The following PDZD8 variants were observed in gnomAD, a reference collection of about 807,000 sequenced individuals.
PDZD8 encodes the protein PDZ domain containing 8, also known as PDZ domain-containing protein 8.
PDZD8 carries 14 observed loss-of-function variants against 85.8 expected under a neutral mutation model. The ratio of observed to expected loss-of-function variants is 0.16; its 90% CI spans 0.11 to 0.26. The LOEUF (loss-of-function observed/expected upper bound fraction) is 0.26, where lower values mean the gene tolerates loss of function less well. PDZD8 is among the 10% of genes least tolerant of loss of function. The probability of loss-of-function intolerance (pLI) is 1.00; values close to 1 mark genes in which losing one functional copy is unlikely to be tolerated. For missense variants in PDZD8, 1,197 were observed against 1,424.3 expected, an observed-to-expected ratio of 0.84 and a Z score of 2.57; for synonymous variants, 592 against 568.6, an observed-to-expected ratio of 1.04 and a Z score of -0.59.
rs1051339586 is a variant in PDZD8, at chr10:117,283,771, T to C, written c.2962A>G (p.Asn988Asp). 6.2e-7 allele frequency: 1 copy of C among 1,614,092 alleles called. No individual in the cohort carries two copies. Among genetic ancestry groups the C allele is most frequent in the Non-Finnish European group, 8.5e-7 (1 of 1,180,044 alleles). ...CTGTTTCCCCGTTTAGAAGGACTGT[T>C]TGGACCACAGACCTCCGTGTCACTG... ...EGSDTEVCGP[N>D]SPSKRGNSTG... The change falls in exon 5 of 5, where the codon AAC becomes GAC. Residue 988 changes from asparagine to aspartate, a missense_variant. Coordinates refer to ENST00000334464, the MANE Select transcript of PDZD8 (RefSeq NM_173791.5).
intron 3 of PDZD8, among the ~76,000 whole-genome samples, chr10:117,298,576 T>C (rs982041339): frequency 6.6e-6 from 1 of 152,152 alleles, no homozygotes; most frequent in Admixed American, 6.6e-5. Flanking sequence ...TATACCCCTA[T>C]ATTTCTTATT....
rs189605222 is a variant in PDZD8, at chr10:117,278,366, T to C, written c.*4902A>G. On this transcript the variant is annotated 3_prime_UTR_variant, in exon 5 of 5. Transcript: ENST00000334464. ...TGAATCATATATTAAGAAGTAAAAA[T>C]AATAGTGATCAGGCAGAAAAGAAAA... is the stretch of plus-strand genomic sequence containing the variant. The C allele has an allele frequency of 5.3e-5, 8 of 152,288 alleles. No homozygotes were observed. The highest frequency in any genetic ancestry group is 4.6e-4 in the Admixed American group (7 of 15,308). 9.4% of individuals were successfully genotyped at this position (152,288 alleles called of 1,614,324 possible).
intron 2 of PDZD8, 116 bp downstream of exon 2, chr10:117,340,864 A>G (rs528903464): frequency 1.7e-6 from 2 of 1,167,390 alleles, no homozygotes; most frequent in South Asian, 3.5e-5. Context: ...TTACAATTAA[A>G]GAATTTACAG....
intron 1 of PDZD8, among the ~76,000 whole-genome samples, chr10:117,346,310 G>GAAT (rs548330380): frequency 8.9e-4 from 135 of 151,038 alleles, no homozygotes; most frequent in Admixed American, 2.8e-3. Context: ...AAAGAGACAG[G>GAAT]AATTGTAAAA....
rs555240882 is a variant in PDZD8 at position 117,278,661 on chromosome 10, G to A, written c.*4607C>T. ...CTAAGATTGTGTTTGTGTTAACTTC[G>A]ACATCAAGGAGCAAAGAACTTTAGA... On this transcript the variant is annotated 3_prime_UTR_variant, in exon 5 of 5. Transcript: ENST00000334464. 5 of 152,238 alleles carry A rather than the reference G, an allele frequency of 3.3e-5. No homozygotes were observed. Among genetic ancestry groups the A allele is most frequent in the South Asian group, 2.1e-4 (1 of 4,828 alleles). 9.4% of individuals were successfully genotyped at this position (152,238 alleles called of 1,614,324 possible). A position where few individuals can be genotyped will look rare whatever the true frequency, so the allele number is the denominator to read the frequency against.
At chr10:117,303,026 C>T (rs946628064) in intron 3 of PDZD8, among the ~76,000 whole-genome samples, 6 of 152,020 alleles carry the variant, frequency 3.9e-5, no homozygotes, top group Non-Finnish European at 8.8e-5. Flanking sequence ...TAGAGTGGGG[C>T]GGTGCTGAAA....
chr10:117,333,017 G>T (rs1278631139), intron 2 of PDZD8, among the ~76,000 whole-genome samples: 2 of 149,534 alleles, frequency 1.3e-5, no homozygotes, highest in Non-Finnish European at 3.0e-5. Flanking sequence ...TATTTGAGAA[G>T]CTGAGGCAGG....
intron 2 of PDZD8, among the ~76,000 whole-genome samples, chr10:117,338,112 CAG>C (rs1398870488): frequency 1.3e-5 from 2 of 151,566 alleles, no homozygotes; most frequent in Non-Finnish European, 2.9e-5. Flanking sequence ...TCTACCTGAA[CAG>C]AGTTTTCTGT....
At chr10:117,368,627 T>A (rs549672390) in intron 1 of PDZD8, among the ~76,000 whole-genome samples, 2 of 152,294 alleles carry the variant, frequency 1.3e-5, no homozygotes, top group Non-Finnish European at 2.9e-5. Context: ...AATTCAAATA[T>A]ACTGTCAATA....
In PDZD8 at chr10:117,280,776, G is replaced by A. The variant is rs1453518030; in HGVS notation, c.*2492C>T. The A allele has an allele frequency of 6.6e-6, 1 of 152,184 alleles. No homozygotes were observed. Among genetic ancestry groups the A allele is most frequent in the Non-Finnish European group, 1.5e-5 (1 of 68,040 alleles). 9.4% of individuals were successfully genotyped at this position (152,184 alleles called of 1,614,324 possible). On this transcript the variant is annotated 3_prime_UTR_variant, in exon 5 of 5. Transcript: ENST00000334464. ...GCTTTCTATAATTGTGGTCTACAGA[G>A]TTAAATACTTTTAAAACATGAGTAG...
intron 2 of PDZD8, among the ~76,000 whole-genome samples, chr10:117,334,702 G>C (rs933831679): frequency 1.3e-5 from 2 of 152,006 alleles, no homozygotes; most frequent in Admixed American, 6.6e-5. Flanking sequence ...ATACAAAACA[G>C]AAATTCTAGA....
chr10:117,315,587 C>CAAAAAAAAAAAAAAA (rs35866840), intron 3 of PDZD8, among the ~76,000 whole-genome samples: 2 of 42,106 alleles, frequency 4.7e-5, no homozygotes, highest in Admixed American at 2.7e-4. Context: ...TAGACTCTCT[C>CAAAAAAAAAAAAAAA]AAAAAAAAAA....
intron 2 of PDZD8, among the ~76,000 whole-genome samples, chr10:117,330,826 G>C (rs1844408816): frequency 6.6e-6 from 1 of 150,404 alleles, no homozygotes; most frequent in Non-Finnish European, 1.5e-5. Context: ...CAGCAAATTT[G>C]GCCCTGAGAC....
chr10:117,310,407 T>G lies in PDZD8; in HGVS notation c.1098+8465A>C, dbSNP rs553386773. On this transcript the variant is annotated intron_variant, in intron 3 of 4. Transcript: ENST00000334464. Reference sequence around the variant, plus strand: ...ACAATGCCTTACACCTCATACTCAGTTTCCTGTTCTCATACTCATAGTGCC... The same window carrying G: ...ACAATGCCTTACACCTCATACTCAGGTTCCTGTTCTCATACTCATAGTGCC... Among the ~76,000 whole-genome samples the G allele has an allele frequency of 5.9e-5, 9 of 152,292 alleles. No homozygotes were observed. The South Asian group carries it at 6.2e-4, about 11-fold the overall frequency.
At chr10:117,329,135 G>A (rs1052502758) in intron 2 of PDZD8, among the ~76,000 whole-genome samples, 1 of 152,190 alleles carries the variant, frequency 6.6e-6, no homozygotes, top group Non-Finnish European at 1.5e-5. Context: ...GAAGCAAGCA[G>A]TAACAATCAC....
intron 3 of PDZD8, among the ~76,000 whole-genome samples, chr10:117,310,934 A>T (rs891674016): frequency 1.3e-5 from 2 of 152,192 alleles, no homozygotes; most frequent in Non-Finnish European, 2.9e-5. Flanking sequence ...AAATATTCTT[A>T]CTTGAAATCA....
chr10:117,283,812 G>C lies in PDZD8; in HGVS notation c.2921C>G (p.Thr974Arg), dbSNP rs774178751. The C allele has an allele frequency of 6.2e-7, 1 of 1,614,064 alleles. No individual in the cohort carries two copies. The highest frequency in any genetic ancestry group is 8.5e-7 in the Non-Finnish European group (1 of 1,180,038). The change falls in exon 5 of 5, where the codon ACG (threonine) becomes AGG (arginine). Residue 974 changes from threonine to arginine, a missense_variant. This residue lies in a region of PDZD8 where 418 missense variants were observed against 571.1 expected (regional missense o/e 0.73). Coordinates refer to ENST00000334464, the MANE Select transcript of PDZD8 (RefSeq NM_173791.5). The stretch of plus-strand genomic sequence containing the variant: ...CGTGTCACTGCCTTCGTTGTCTGAC[G>C]TGTTGGGTGTGTGTTTTGGTGAAGG... Reference protein sequence around the residue: ...VEPSPKHTPNTSDNEGSDTEV... With the variant: ...VEPSPKHTPNRSDNEGSDTEV...
At chr10:117,368,884 C>T (rs1166087816) in intron 1 of PDZD8, among the ~76,000 whole-genome samples, 5 of 114,366 alleles carry the variant, frequency 4.4e-5, no homozygotes, top group African/African-American at 1.7e-4. Context: ...TTGAGACAGT[C>T]TCACTCTGTT....
At chr10:117,310,428 G>C (rs1207267283) in intron 3 of PDZD8, among the ~76,000 whole-genome samples, 1 of 152,054 alleles carries the variant, frequency 6.6e-6, no homozygotes, top group African/African-American at 2.4e-5. Flanking sequence ...CATACTCATA[G>C]TGCCTTCCAC....
Sources: gnomAD v4.1 joint callset for allele counts (sites outside exome capture counted in the v4.1 genomes callset) on GRCh38, gnomAD v4.1.1 for gene constraint, gnomAD v4.1.1 regional missense constraint, MANE v1.5 for transcripts, NCBI Gene and HGNC (gene_info 2026-07-23, HGNC 2026-07-21) for gene names.